Variants in CLXN observed in about 807,000 individuals in gnomAD.
CLXN encodes the protein calaxin, also known as EF-hand calcium binding domain 1.
At chr8:48,721,533 C>T in the CLXN span, among the ~76,000 whole-genome samples, 8,037 of 152,226 alleles carry the variant, frequency 0.053, 320 homozygotes, top group African/African-American at 0.11. Context: ...AAGCTGAAGA[C>T]GTCATACTTC....
chr8:48,724,591 A>T, the CLXN span: 1 of 568,730 alleles, frequency 1.8e-6, no homozygotes. Flanking sequence ...ATTGCATCTT[A>T]CACTGATGTT....
chr8:48,723,952 A>G, the CLXN span: 7 of 152,264 alleles, frequency 4.6e-5, 1 homozygote, highest in South Asian at 1.4e-3. Flanking sequence ...GGATACACTG[A>G]AAGCTGTGCC....
chr8:48,725,696 C>T, the CLXN span, among the ~76,000 whole-genome samples: 3 of 152,042 alleles, frequency 2.0e-5, no homozygotes, highest in Admixed American at 6.5e-5. Flanking sequence ...CCCAGCTAGT[C>T]GGGAGGCTGA....
chr8:48,711,049 G>T, the CLXN span: 1 of 152,144 alleles, frequency 6.6e-6, no homozygotes, highest in Non-Finnish European at 1.5e-5. Context: ...GACAGTAAGA[G>T]GCAGTCAGGG....
At chr8:48,719,091 A>C in the CLXN span, among the ~76,000 whole-genome samples, 2 of 152,064 alleles carry the variant, frequency 1.3e-5, no homozygotes, top group Non-Finnish European at 2.9e-5. Flanking sequence ...ATGAAAGAGG[A>C]GCCATTACAA....
the CLXN span, among the ~76,000 whole-genome samples, chr8:48,727,117 T>A: frequency 9.1e-5 from 13 of 143,510 alleles, no homozygotes; most frequent in South Asian, 1.6e-3. Flanking sequence ...CCCATCCATC[T>A]ACCCACCCAC....
the CLXN span, among the ~76,000 whole-genome samples, chr8:48,712,990 CAAAAAAAAAAAA>C: frequency 1.0e-5 from 1 of 99,522 alleles, no homozygotes; most frequent in African/African-American, 4.7e-5. Flanking sequence ...ACTCCTCTGT[CAAAAAAAAAAAA>C]AAAAAAAGAA....
chr8:48,729,228 T>C, the CLXN span: 3 of 1,172,030 alleles, frequency 2.6e-6, no homozygotes, highest in South Asian at 4.4e-5. Flanking sequence ...AGTGTTAATT[T>C]AAAAAAATGT....
chr8:48,722,114 C>T, the CLXN span, among the ~76,000 whole-genome samples: 1 of 152,006 alleles, frequency 6.6e-6, no homozygotes, highest in Non-Finnish European at 1.5e-5. Context: ...ACATAAAACC[C>T]CCCAAAACCT....
chr8:48,722,965 A>G, the CLXN span, among the ~76,000 whole-genome samples: 2 of 152,220 alleles, frequency 1.3e-5, no homozygotes, highest in Non-Finnish European at 2.9e-5. Flanking sequence ...AGGATAGAGT[A>G]GAATGGTGGT....
chr8:48,731,304 G>A, the CLXN span: 1 of 1,523,758 alleles, frequency 6.6e-7, no homozygotes, highest in Non-Finnish European at 8.8e-7. Flanking sequence ...TTTTTTTTCA[G>A]TTATGGCTGG....
chr8:48,727,129 C>T, the CLXN span, among the ~76,000 whole-genome samples: 3 of 150,824 alleles, frequency 2.0e-5, no homozygotes, highest in Non-Finnish European at 4.4e-5. Flanking sequence ...CCCACCCACA[C>T]ACCCACATCA....
chr8:48,716,415 GC>G, the CLXN span: 1 of 152,482 alleles, frequency 6.6e-6, no homozygotes, highest in African/African-American at 2.4e-5. Flanking sequence ...GCCTAGGCCT[GC>G]CCAGAGAGGG....
chr8:48,724,788 A>G, the CLXN span: 4 of 1,612,038 alleles, frequency 2.5e-6, no homozygotes, highest in East Asian at 8.9e-5. Flanking sequence ...TTGAGCTTCA[A>G]ATTCCATCTG....
chr8:48,720,438 G>A, the CLXN span, among the ~76,000 whole-genome samples: 2 of 152,182 alleles, frequency 1.3e-5, no homozygotes, highest in African/African-American at 4.8e-5. Context: ...CTCTAGGAAT[G>A]TCTGTCTTGT....
chr8:48,734,695 A>C, the CLXN span: 2 of 167,370 alleles, frequency 1.2e-5, no homozygotes, highest in Non-Finnish European at 2.5e-5. Flanking sequence ...CTGCGGGTGT[A>C]TGTGCGAGCT....
chr8:48,723,436 T>A, the CLXN span: 1 of 152,330 alleles, frequency 6.6e-6, no homozygotes, highest in Admixed American at 6.5e-5. Context: ...ATCTGTTTAT[T>A]CCATTTATTA....
the CLXN span, chr8:48,730,081 C>T: frequency 2.3e-6 from 1 of 429,734 alleles, no homozygotes; most frequent in Non-Finnish European, 4.1e-6. Context: ...AAAAGCATAC[C>T]AAGGAACAGT....
chr8:48,728,480 T>C, the CLXN span, among the ~76,000 whole-genome samples: 1 of 152,160 alleles, frequency 6.6e-6, no homozygotes, highest in Non-Finnish European at 1.5e-5. Flanking sequence ...ACTCTACACA[T>C]ATCTCTATGA....
Sources: gnomAD v4.1 joint callset for allele counts (sites outside exome capture counted in the v4.1 genomes callset) on GRCh38, gnomAD v4.1.1 for gene constraint, MANE v1.5 for transcripts, NCBI Gene and HGNC (gene_info 2026-07-23, HGNC 2026-07-21) for gene names.